Variants in KLF12 observed in about 807,000 individuals in gnomAD.
KLF12 encodes KLF transcription factor 12, also known as Krueppel-like factor 12.
In KLF12, 9 loss-of-function variants were observed where a neutral mutation model predicts 37.8. The observed-to-expected ratio is 0.24, with a 90% CI of 0.14 to 0.42. The LOEUF (loss-of-function observed/expected upper bound fraction) is 0.42, where lower values mean the gene tolerates loss of function less well. Among genes scored for constraint, KLF12 ranks in the 10% least tolerant of loss-of-function variants. The pLI is 1.00. For synonymous variants in KLF12, 208 were observed against 202.1 expected (o/e 1.03, Z -0.25); for missense variants, 411 against 516.0 (o/e 0.80, Z 1.97).
the KLF12 span, among the ~76,000 whole-genome samples, chr13:74,172,963 C>T: frequency 6.6e-6 from 1 of 152,340 alleles, no homozygotes; most frequent in Admixed American, 6.5e-5. Context: ...TACGCCCGTA[C>T]CTCTCTGAAG....
intron 3 of KLF12, among the ~76,000 whole-genome samples, chr13:73,901,230 TG>T (rs1888026649): frequency 6.6e-6 from 1 of 152,208 alleles, no homozygotes; most frequent in African/African-American, 2.4e-5. Context: ...AATATTCCTT[TG>T]AAATTTACTT....
intron 3 of KLF12, among the ~76,000 whole-genome samples, chr13:73,846,842 A>G (rs1327063628): frequency 6.6e-6 from 1 of 152,096 alleles, no homozygotes. Context: ...AAGTTCTTCA[A>G]CCTCCCACAC....
intron 2 of KLF12, among the ~76,000 whole-genome samples, chr13:73,968,687 A>C: frequency 6.6e-6 from 1 of 152,246 alleles, no homozygotes; most frequent in East Asian, 1.9e-4. Flanking sequence ...TAGAAATGTA[A>C]AGAATATTTT....
intron 2 of KLF12, among the ~76,000 whole-genome samples, chr13:73,981,187 T>C (rs1891680113): frequency 6.6e-6 from 1 of 152,058 alleles, no homozygotes; most frequent in South Asian, 2.1e-4. Flanking sequence ...CAAAAAACTA[T>C]TGCAACTACA....
chr13:73,709,445 G>C (rs1875196348), intron 7 of KLF12, among the ~76,000 whole-genome samples: 1 of 152,098 alleles, frequency 6.6e-6, no homozygotes, highest in Non-Finnish European at 1.5e-5. Context: ...CAAAGGTAAG[G>C]CTAAGAAGAT....
chr13:73,969,273 A>T (rs2138091750), intron 2 of KLF12, among the ~76,000 whole-genome samples: 1 of 152,312 alleles, frequency 6.6e-6, no homozygotes, highest in Admixed American at 6.5e-5. Context: ...AGTGAAGTGA[A>T]CATGTGACTA....
At chr13:74,171,466 C>A in the KLF12 span, among the ~76,000 whole-genome samples, 1 of 152,150 alleles carries the variant, frequency 6.6e-6, no homozygotes, top group Non-Finnish European at 1.5e-5. Flanking sequence ...CCTCCCATCT[C>A]ATTCTAAATA....
chr13:74,168,953 C>T, the KLF12 span, among the ~76,000 whole-genome samples: 7 of 152,160 alleles, frequency 4.6e-5, no homozygotes, highest in African/African-American at 7.2e-5. Context: ...TGCTGCCTTG[C>T]GTTTCCTGGC....
rs534953624 is a variant in KLF12 at position 73,824,866 on chromosome 13, G to A, written c.671-11579C>T. 7.9e-5 allele frequency among the ~76,000 whole-genome samples: 12 copies of A among 152,190 alleles called. No homozygotes were observed. The East Asian group carries it at 1.9e-3, about 25-fold the overall frequency. On this transcript the variant is annotated intron_variant, in intron 4 of 7. Coordinates refer to ENST00000377669, the MANE Select transcript of KLF12 (RefSeq NM_007249.5). ...GTGGATCATCTGAGATCAGGAGCTC[G>A]AGACCAGCCTGGCCAACATGGTGAA...
At chr13:74,125,170 C>T (rs1334040760) in intron 1 of KLF12, among the ~76,000 whole-genome samples, 4 of 149,300 alleles carry the variant, frequency 2.7e-5, no homozygotes, top group Admixed American at 6.7e-5. Context: ...TATATATACA[C>T]ACACACACAC....
the KLF12 span, among the ~76,000 whole-genome samples, chr13:74,161,229 A>T: frequency 0.28 from 43,018 of 151,946 alleles, 7,246 homozygotes; most frequent in Non-Finnish European, 0.38. Flanking sequence ...ATCACCTGTA[A>T]TGGGTTTTAT....
Position 73,690,595 on chromosome 13 carries a change from A to C in KLF12, c.*4895T>G, listed in dbSNP as rs1873761909. 6.6e-6 allele frequency: 1 copy of C among 152,232 alleles called. No individual in the cohort carries two copies. The highest frequency in any genetic ancestry group is 6.5e-5 in the Admixed American group (1 of 15,280). The allele number at this position is 152,232 out of a possible 1,614,324, so 9.4% of individuals were successfully genotyped here. A position where few individuals can be genotyped will look rare whatever the true frequency, so the allele number is the denominator to read the frequency against. ...TTTAAACCATCCTGGCTAAACCATG[A>C]CAAGTGGCCACTCTATTTTGAACAG... is the stretch of plus-strand genomic sequence containing the variant. On this transcript the variant is annotated 3_prime_UTR_variant, in exon 8 of 8. Coordinates refer to ENST00000377669, the MANE Select transcript of KLF12 (RefSeq NM_007249.5).
chr13:74,052,760 CTGTCCT>C (rs1873004734), intron 1 of KLF12, among the ~76,000 whole-genome samples: 1 of 152,148 alleles, frequency 6.6e-6, no homozygotes, highest in Admixed American at 6.5e-5. Flanking sequence ...TTACTGGTGT[CTGTCCT>C]TCCCTCCCAT....
At chr13:73,716,162 C>T (rs531107130) in intron 6 of KLF12, among the ~76,000 whole-genome samples, 78 of 152,220 alleles carry the variant, frequency 5.1e-4, no homozygotes, top group Middle Eastern at 6.8e-3. Flanking sequence ...AGCTGTACCA[C>T]CATTATAAAA....
chr13:74,289,618 A>G, the KLF12 span, among the ~76,000 whole-genome samples: 1 of 152,320 alleles, frequency 6.6e-6, no homozygotes, highest in East Asian at 1.9e-4. Flanking sequence ...AGAAAGTAAT[A>G]GGTAATAAGG....
At chr13:74,184,696 T>G in the KLF12 span, among the ~76,000 whole-genome samples, 1 of 152,212 alleles carries the variant, frequency 6.6e-6, no homozygotes, top group African/African-American at 2.4e-5. Context: ...GTAGGCTATA[T>G]GGGTTGCATT....
chr13:74,288,689 A>G, the KLF12 span, among the ~76,000 whole-genome samples: 1 of 152,326 alleles, frequency 6.6e-6, no homozygotes, highest in East Asian at 1.9e-4. Flanking sequence ...TCAGCGGCAT[A>G]CAGAGAGCTG....
At chr13:74,246,471 T>G in the KLF12 span, among the ~76,000 whole-genome samples, 8 of 152,206 alleles carry the variant, frequency 5.3e-5, no homozygotes, top group Admixed American at 2.0e-4. Context: ...TGAGGAATTA[T>G]TAGGTTGAAT....
chr13:73,738,110 T>TATGTATGTCTAC (rs1566331202), intron 6 of KLF12, among the ~76,000 whole-genome samples: 1 of 90,476 alleles, frequency 1.1e-5, no homozygotes, highest in African/African-American at 4.5e-5. Context: ...TATATATATA[T>TATGTATGTCTAC]ATATATATAT....
Sources: gnomAD v4.1 joint callset for allele counts (sites outside exome capture counted in the v4.1 genomes callset) on GRCh38, gnomAD v4.1.1 for gene constraint, MANE v1.5 for transcripts, NCBI Gene and HGNC (gene_info 2026-07-23, HGNC 2026-07-21) for gene names.